RPS6KA2: variants seen among roughly 807,000 people sequenced by gnomAD.
RPS6KA2 encodes ribosomal protein S6 kinase A2.
RPS6KA2 carries 42 observed loss-of-function variants against 91.8 expected under a neutral mutation model. The observed-to-expected ratio is 0.46, with a 90% CI of 0.36 to 0.59. RPS6KA2 has a LOEUF of 0.59. RPS6KA2 is among the 20% of genes least tolerant of loss of function. The pLI, the probability that RPS6KA2 is intolerant of heterozygous loss-of-function variation, is 0.00. For synonymous variants in RPS6KA2, 414 were observed against 393.6 expected (o/e 1.05, Z -0.61); for missense variants, 798 against 978.5 (o/e 0.82, Z 2.46).
Position 166,500,774 on chromosome 6 carries a change from C to A in RPS6KA2, c.604+113G>T. 1 of 944,244 alleles carries A rather than the reference C, an allele frequency of 1.1e-6. No individual in the cohort carries two copies. The highest frequency in any genetic ancestry group is 1.7e-6 in the Non-Finnish European group (1 of 593,994). 58.5% of individuals were successfully genotyped at this position (944,244 alleles called of 1,614,324 possible). ...AAAATTCTGCCAAATCAGAGACAAG[C>A]ATCTGGCAAAGGGAAGGGCGGTGTA... On this transcript the variant is annotated intron_variant, in intron 7 of 20. Coordinates refer to ENST00000265678, the MANE Select transcript of RPS6KA2 (RefSeq NM_021135.6). The surrounding 1 kb of genome is among the most constrained non-coding windows in gnomAD (Gnocchi z 4.3).
In RPS6KA2 at chr6:166,624,936, C is replaced by T. The variant is rs572191979; in HGVS notation, c.99+1985G>A. 7.5e-4 allele frequency among the ~76,000 whole-genome samples: 114 copies of T among 152,138 alleles called. 1 individual carries two copies. In the South Asian group the frequency reaches 0.013, roughly 17 times the overall value. On this transcript the variant is annotated intron_variant, in intron 1 of 20. Coordinates refer to ENST00000265678, the MANE Select transcript of RPS6KA2 (RefSeq NM_021135.6). The stretch of plus-strand genomic sequence containing the variant: ...GCAACCTCTGACTCCCTGGTTCAAG[C>T]GATTCTCCTGCCTCAGCCTCCTGAG...
intron 2 of RPS6KA2, among the ~76,000 whole-genome samples, chr6:166,772,256 C>T (rs1778494924): frequency 6.6e-6 from 1 of 151,622 alleles, no homozygotes; most frequent in Admixed American, 6.6e-5. Flanking sequence ...ACCCCCCAGC[C>T]CCCCCACCAC....
chr6:166,506,945 T>C (rs931516953), intron 5 of RPS6KA2, among the ~76,000 whole-genome samples: 5 of 151,828 alleles, frequency 3.3e-5, no homozygotes, highest in Admixed American at 3.3e-4. Flanking sequence ...TGAAGCGGGG[T>C]GCTTTTCACG....
chr6:166,815,495 A>G (rs1160678500), intron 2 of RPS6KA2, among the ~76,000 whole-genome samples: 5 of 152,218 alleles, frequency 3.3e-5, no homozygotes, highest in Non-Finnish European at 7.4e-5. Context: ...TGACATCTAA[A>G]TTCAGACTAA....
chr6:166,439,220 G>C lies in RPS6KA2; in HGVS notation c.1333-6730C>G, dbSNP rs573219803. Reference sequence around the variant, plus strand: ...CCTCCCAGGTTCAGATGATTCTCCTGCCTCAGCCTCCTGAGTAGTTCGGAT... The same window carrying C: ...CCTCCCAGGTTCAGATGATTCTCCTCCCTCAGCCTCCTGAGTAGTTCGGAT... On this transcript the variant is annotated intron_variant, in intron 14 of 20. Coordinates refer to ENST00000265678, the MANE Select transcript of RPS6KA2 (RefSeq NM_021135.6). Among the ~76,000 whole-genome samples, 4 of 152,294 alleles carry C rather than the reference G, an allele frequency of 2.6e-5. No homozygotes were observed. The South Asian group carries it at 8.3e-4, about 32-fold the overall frequency.
intron 2 of RPS6KA2, among the ~76,000 whole-genome samples, chr6:166,841,488 AT>A (rs1290858533): frequency 1.3e-5 from 2 of 152,266 alleles, no homozygotes. Context: ...AGAATACTGT[AT>A]GTTTTTTCAA....
intron 2 of RPS6KA2, among the ~76,000 whole-genome samples, chr6:166,746,276 G>C (rs560381511): frequency 1.3e-5 from 2 of 152,300 alleles, no homozygotes; most frequent in East Asian, 3.9e-4. Flanking sequence ...CATGTGACTG[G>C]ATCCAAACTC....
chr6:166,627,280 A>C, upstream of RPS6KA2: 2 of 958,026 alleles, frequency 2.1e-6, no homozygotes, highest in Non-Finnish European at 2.5e-6. Context: ...CCACGCCTAC[A>C]CCACGCCCAC....
At chr6:166,781,274 T>C (rs1778763044) in intron 2 of RPS6KA2, among the ~76,000 whole-genome samples, 1 of 152,212 alleles carries the variant, frequency 6.6e-6, no homozygotes, top group South Asian at 2.1e-4. Flanking sequence ...CACTCTTAAT[T>C]ATACATAAGT....
chr6:166,548,653 A>C (rs1783902828), intron 1 of RPS6KA2, among the ~76,000 whole-genome samples: 1 of 152,224 alleles, frequency 6.6e-6, no homozygotes, highest in Non-Finnish European at 1.5e-5. Context: ...AAGACATTTA[A>C]CCTAAATTCC....
intron 1 of RPS6KA2, among the ~76,000 whole-genome samples, chr6:166,575,115 A>G (rs763881566): frequency 9.9e-5 from 15 of 152,242 alleles, no homozygotes; most frequent in Non-Finnish European, 1.6e-4. Flanking sequence ...AAAACTAGAC[A>G]TGCAAAACGC....
At position 166,542,968 on chromosome 6, in the gene RPS6KA2, AGGATATTAATTTCCAGAAT is replaced by A. The variant is rs780842908; in HGVS notation, c.100-4203_100-4185del. 8.9e-4 allele frequency among the ~76,000 whole-genome samples: 135 copies of A among 152,326 alleles called. 1 individual carries two copies. Among genetic ancestry groups the A allele is most frequent in the Middle Eastern group, 6.8e-3 (2 of 294 alleles). On this transcript the variant is annotated intron_variant, in intron 1 of 20. Transcript: ENST00000265678. Reference sequence around the variant, plus strand: ...TTCTATAAATCGCAGATTCACATGTAGGATATTAATTTCCAGAATAATAACAGAATATATTATTACACAG... The same window carrying A: ...TTCTATAAATCGCAGATTCACATGTAAATAACAGAATATATTATTACACAG...
intron 2 of RPS6KA2, among the ~76,000 whole-genome samples, chr6:166,676,813 T>A (rs574696496): frequency 9.8e-4 from 150 of 152,378 alleles, no homozygotes; most frequent in African/African-American, 3.4e-3. Flanking sequence ...TTTGTATGTA[T>A]CCTACAATAC....
At chr6:166,538,876 G>A in intron 1 of RPS6KA2, 92 bp from the exon 2 acceptor site, 2 of 674,750 alleles carry the variant, frequency 3.0e-6, no homozygotes, top group East Asian at 5.2e-5. Context: ...ACCACGAGCT[G>A]GGTCTGTTAC....
intron 2 of RPS6KA2, among the ~76,000 whole-genome samples, chr6:166,756,965 G>A (rs1778028762): frequency 6.6e-6 from 1 of 152,212 alleles, no homozygotes; most frequent in South Asian, 2.1e-4. Context: ...AAACGTCGCG[G>A]AGATGGCGGT....
At chr6:166,763,909 G>A (rs17518299) in intron 2 of RPS6KA2, among the ~76,000 whole-genome samples, 29,489 of 152,172 alleles carry the variant, frequency 0.19, 3,014 homozygotes, top group Non-Finnish European at 0.22. Flanking sequence ...GATCCATGAC[G>A]GCACGGCCGG....
intron 10 of RPS6KA2, among the ~76,000 whole-genome samples, chr6:166,480,477 T>TATATATATATATATATATATA (rs1347612534): frequency 1.3e-3 from 56 of 43,862 alleles, no homozygotes; most frequent in Admixed American, 3.1e-3. Flanking sequence ...AAGATTGTGA[T>TATATATATATATATATATATA]TTTATATATA....
rs1236502215 is a variant in RPS6KA2, at chr6:166,494,836, C to T, written c.747+3672G>A. On this transcript the variant is annotated intron_variant, in intron 8 of 20. Coordinates refer to ENST00000265678, the MANE Select transcript of RPS6KA2 (RefSeq NM_021135.6). The surrounding 1 kb of genome is among the most constrained non-coding windows in gnomAD (Gnocchi z 5.1). ...GGCCACCCACACATGAGGACCACTC[C>T]CTCAGCACGCGGCCTCCAGGGTCTC... Among the ~76,000 whole-genome samples the T allele has an allele frequency of 2.0e-5, 3 of 152,228 alleles. No homozygotes were observed. Among genetic ancestry groups the T allele is most frequent in the Non-Finnish European group, 2.9e-5 (2 of 68,030 alleles).
At chr6:166,431,551 A>G (rs577461630) in intron 15 of RPS6KA2, among the ~76,000 whole-genome samples, 54 of 152,358 alleles carry the variant, frequency 3.5e-4, no homozygotes, top group African/African-American at 1.2e-3. Context: ...ATAGAAAAAG[A>G]TAGTTTTCTC....
Sources: allele counts gnomAD v4.1 joint callset (sites outside exome capture counted in the v4.1 genomes callset), GRCh38; gene constraint gnomAD v4.1.1; non-coding constraint Gnocchi (gnomAD v3.1); transcripts MANE v1.5; gene names NCBI Gene and HGNC (gene_info 2026-07-23, HGNC 2026-07-21).